The following OXR1 variants were observed in gnomAD, a reference collection of about 807,000 sequenced individuals.
OXR1 encodes oxidation resistance 1.
OXR1 carries 41 observed loss-of-function variants against 104.6 expected under a neutral mutation model. The observed-to-expected ratio is 0.39, with a 90% CI of 0.31 to 0.51. OXR1 has a LOEUF of 0.51. Ranked by LOEUF, OXR1 falls within the 20% of genes least tolerant of loss-of-function variation. The probability of loss-of-function intolerance (pLI) is 0.77; values close to 1 mark genes in which losing one functional copy is unlikely to be tolerated. For missense variants in OXR1, 955 were observed against 1,031.9 expected, an observed-to-expected ratio of 0.93 and a Z score of 1.02; for synonymous variants, 348 against 348.4, an observed-to-expected ratio of 1.00 and a Z score of 0.01.
chr8:106,590,524 G>A (rs1818998146), intron 3 of OXR1, among the ~76,000 whole-genome samples: 1 of 152,204 alleles, frequency 6.6e-6, no homozygotes, highest in Non-Finnish European at 1.5e-5. Flanking sequence ...CTGACCTCAT[G>A]GTCTGCCCGC....
chr8:106,511,783 G>A (rs779292199), intron 2 of OXR1, among the ~76,000 whole-genome samples: 10 of 152,298 alleles, frequency 6.6e-5, no homozygotes, highest in Middle Eastern at 3.4e-3. Context: ...CCAAGTGTAA[G>A]AGCTGAAGTT....
At chr8:106,611,717 A>G (rs1012897010) in intron 3 of OXR1, among the ~76,000 whole-genome samples, 2 of 152,152 alleles carry the variant, frequency 1.3e-5, no homozygotes, top group Non-Finnish European at 2.9e-5. Context: ...AACTGTTCCA[A>G]AATTAACTTA....
intron 2 of OXR1, among the ~76,000 whole-genome samples, chr8:106,472,897 G>A (rs1418156443): frequency 2.6e-5 from 4 of 151,728 alleles, no homozygotes; most frequent in Non-Finnish European, 4.4e-5. Context: ...ATACTCTTGA[G>A]TTTTTTGTTT....
chr8:106,281,490 A>G (rs1277205817), intron 1 of OXR1, among the ~76,000 whole-genome samples: 1 of 152,172 alleles, frequency 6.6e-6, no homozygotes, highest in Non-Finnish European at 1.5e-5. Flanking sequence ...CGGACAATGT[A>G]AATGTTTGGA....
chr8:106,303,534 G>C (rs925063058), intron 1 of OXR1, among the ~76,000 whole-genome samples: 1 of 151,958 alleles, frequency 6.6e-6, no homozygotes, highest in Non-Finnish European at 1.5e-5. Flanking sequence ...TACCGAGCCC[G>C]GCCGGAACTT....
At chr8:106,638,884 A>G (rs1823382289) in intron 3 of OXR1, among the ~76,000 whole-genome samples, 1 of 139,220 alleles carries the variant, frequency 7.2e-6, no homozygotes. Context: ...CAAGAGTGAG[A>G]CTCCATTTCA....
chr8:106,566,974 G>T (rs557418872), intron 3 of OXR1, among the ~76,000 whole-genome samples: 1 of 152,232 alleles, frequency 6.6e-6, no homozygotes, highest in East Asian at 1.9e-4. Flanking sequence ...GGGGGTTGGA[G>T]GGCAAGGGGA....
At chr8:106,337,915 A>G (rs1022737205) in intron 1 of OXR1, among the ~76,000 whole-genome samples, 1 of 152,216 alleles carries the variant, frequency 6.6e-6, no homozygotes, top group Admixed American at 6.5e-5. Context: ...TTAAAACACT[A>G]AAAGTTAATG....
At chr8:106,581,274 T>G (rs1481583056) in intron 3 of OXR1, 3 of 1,279,896 alleles carry the variant, frequency 2.3e-6, no homozygotes, top group Non-Finnish European at 3.1e-6. Flanking sequence ...AATCATGCCT[T>G]TCTATTTTTT....
At chr8:106,556,872 T>G (rs1816323077) in intron 3 of OXR1, among the ~76,000 whole-genome samples, 2 of 152,214 alleles carry the variant, frequency 1.3e-5, no homozygotes, top group South Asian at 4.1e-4. Context: ...TCACTGTGTT[T>G]CCTAACAGCT....
intron 3 of OXR1, among the ~76,000 whole-genome samples, chr8:106,539,706 T>C (rs928158869): frequency 1.3e-5 from 2 of 152,214 alleles, no homozygotes; most frequent in African/African-American, 4.8e-5. Flanking sequence ...TACAAACTTA[T>C]GGCTGTCATT....
At chr8:106,669,362 A>G (rs1220649396) in intron 3 of OXR1, among the ~76,000 whole-genome samples, 1 of 152,140 alleles carries the variant, frequency 6.6e-6, no homozygotes, top group Non-Finnish European at 1.5e-5. Context: ...CAAAAATTCA[A>G]CTGAAAAGAA....
chr8:106,572,178 CA>C (rs1238483525), intron 3 of OXR1, among the ~76,000 whole-genome samples: 1 of 152,210 alleles, frequency 6.6e-6, no homozygotes, highest in African/African-American at 2.4e-5. Flanking sequence ...TGCATTTTCA[CA>C]ACCAAATAAC....
At chr8:106,457,485 A>G (rs1820666033) in intron 2 of OXR1, among the ~76,000 whole-genome samples, 1 of 152,140 alleles carries the variant, frequency 6.6e-6, no homozygotes. Context: ...TGGTACCAAG[A>G]GGTGGGGCTG....
At chr8:106,547,549 A>G (rs1395503512) in intron 3 of OXR1, among the ~76,000 whole-genome samples, 5 of 143,964 alleles carry the variant, frequency 3.5e-5, no homozygotes, top group African/African-American at 7.9e-5. Context: ...GCTGGAATGC[A>G]ATGGCGCAAT....
intron 2 of OXR1, among the ~76,000 whole-genome samples, chr8:106,469,122 C>T (rs983759674): frequency 6.6e-6 from 1 of 151,758 alleles, no homozygotes; most frequent in African/African-American, 2.4e-5. Flanking sequence ...CTTCTGTGAA[C>T]ATGATAACCA....
At chr8:106,538,324 C>T (rs1210557063) in intron 3 of OXR1, among the ~76,000 whole-genome samples, 1 of 152,122 alleles carries the variant, frequency 6.6e-6, no homozygotes, top group Non-Finnish European at 1.5e-5. Flanking sequence ...TTTTTGGATA[C>T]AAGTAAAAAT....
chr8:106,739,364 T>G, intron 12 of OXR1, 94 bp from the exon 13 acceptor site: 1 of 1,123,198 alleles, frequency 8.9e-7, no homozygotes, highest in East Asian at 2.4e-5. Flanking sequence ...CCACATTTTC[T>G]ACGATATAAA....
intron 11 of OXR1, among the ~76,000 whole-genome samples, chr8:106,714,586 C>T (rs1033925191): frequency 6.6e-6 from 1 of 152,012 alleles, no homozygotes; most frequent in Admixed American, 6.6e-5. Context: ...GTTATACTAA[C>T]AAACTTTTTG....
Sources: gnomAD v4.1 joint callset for allele counts (sites outside exome capture counted in the v4.1 genomes callset) on GRCh38, gnomAD v4.1.1 for gene constraint, MANE v1.5 for transcripts, NCBI Gene and HGNC (gene_info 2026-07-23, HGNC 2026-07-21) for gene names.